The following TBC1D16 variants were observed in gnomAD, a reference collection of about 807,000 sequenced individuals.
TBC1D16 encodes the protein CTD-2529O21.1.
In TBC1D16, 58 loss-of-function variants were observed where a neutral mutation model predicts 74.7. The ratio of observed to expected loss-of-function variants is 0.78; its 90% CI spans 0.63 to 0.97. TBC1D16 has a LOEUF of 0.97. TBC1D16 is among the 50% of genes least tolerant of loss of function. TBC1D16 has a pLI of 0.00. For missense variants in TBC1D16, 1,014 were observed against 1,079.5 expected (o/e 0.94, Z 0.85); for synonymous variants, 493 against 474.7 (o/e 1.04, Z -0.50).
At chr17:79,963,050 CAAA>C (rs563226514) in intron 3 of TBC1D16, among the ~76,000 whole-genome samples, 1 of 120,272 alleles carries the variant, frequency 8.3e-6, no homozygotes. Context: ...AACTCCATCT[CAAA>C]AAAAAAAAAA....
Position 79,940,368 on chromosome 17 carries a change from G to A in TBC1D16, c.*491C>T, listed in dbSNP as rs2031873637. The A allele has an allele frequency of 4.6e-5, 7 of 152,852 alleles. No individual in the cohort carries two copies. The highest frequency in any genetic ancestry group is 3.9e-4 in the Admixed American group (6 of 15,290). 9.5% of individuals were successfully genotyped at this position (152,852 alleles called of 1,614,324 possible). On this transcript the variant is annotated 3_prime_UTR_variant, in exon 12 of 12. Coordinates refer to ENST00000310924, the MANE Select transcript of TBC1D16 (RefSeq NM_019020.4). This position sits in a 1 kb window ranked among gnomAD's most constrained non-coding sequence, Gnocchi z 5.4. Reference sequence around the variant, plus strand: ...GAAGTGTGTTTGGCTCACTCCGAGAGAACGAGGTCTCAAGAGGAAGTGTGT... The same window carrying A: ...GAAGTGTGTTTGGCTCACTCCGAGAAAACGAGGTCTCAAGAGGAAGTGTGT...
intron 1 of TBC1D16, among the ~76,000 whole-genome samples, chr17:80,030,288 A>AC (rs1028446438): frequency 2.0e-5 from 3 of 152,054 alleles, no homozygotes; most frequent in Non-Finnish European, 4.4e-5. Flanking sequence ...CTGACGGTGA[A>AC]CCCCCCACGC....
At chr17:80,021,080 C>T (rs1174738503) in intron 1 of TBC1D16, among the ~76,000 whole-genome samples, 3 of 149,838 alleles carry the variant, frequency 2.0e-5, no homozygotes, top group Admixed American at 1.3e-4. Flanking sequence ...TGGAGAAACC[C>T]CGTGTCTACT....
At chr17:80,002,072 G>A (rs2035508830) in intron 3 of TBC1D16, among the ~76,000 whole-genome samples, 1 of 152,180 alleles carries the variant, frequency 6.6e-6, no homozygotes, top group East Asian at 1.9e-4. Context: ...AGGAAACGCA[G>A]AAGGGATCCG....
Position 80,013,503 on chromosome 17 carries a change from C to T in TBC1D16, c.45G>A (p.Ser15=), listed in dbSNP as rs893979497. The T allele has an allele frequency of 1.5e-5, 24 of 1,575,538 alleles. No individual in the cohort carries two copies. The highest frequency in any genetic ancestry group is 1.9e-5 in the Non-Finnish European group (22 of 1,162,028). ...CACCGGGGGTGAGGGTCAGGAGGTC[C>T]GAGGCTTTGGAGGAGGCCCTGCGAA... The part of the protein sequence containing the change: ...RLLRRASSKA[S]DLLTLTPGGS... Residue 15 remains serine (S), a synonymous_variant, in exon 2 of 12, where the codon TCG becomes TCA. Coordinates refer to ENST00000310924, the MANE Select transcript of TBC1D16 (RefSeq NM_019020.4).
At position 80,010,691 on chromosome 17, in the gene TBC1D16, G is replaced by A. The variant is rs778286282; in HGVS notation, c.248C>T (p.Pro83Leu). ...GTCCTGCCTCTGGATGCGAGAGTTG[G>A]GGACCCATGCCAGGATGAGGGTGGC... ...LGATLILAWV[P>L]NSRIQRQDEE... Residue 83 changes from proline (P) to leucine (L), a missense_variant, in exon 3 of 12, where the codon CCC (proline) becomes CTC (leucine). Physicochemically the swap from Pro to Leu is moderately conservative, Grantham distance 98 (BLOSUM62 -3). Transcript: ENST00000310924. The surrounding 1 kb of genome is among the most constrained non-coding windows in gnomAD (Gnocchi z 8.8). 21 of 1,520,448 alleles carry A rather than the reference G, an allele frequency of 1.4e-5. No homozygotes were observed. Among genetic ancestry groups the A allele is most frequent in the Non-Finnish European group, 1.8e-5 (20 of 1,136,808 alleles). 94.2% of individuals were successfully genotyped at this position (1,520,448 alleles called of 1,614,324 possible).
rs1281512584 is a variant in TBC1D16 at position 79,971,704 on chromosome 17, C to G, written c.780-18886G>C. Reference sequence around the variant, plus strand: ...TTCTCTCAAGGAAGACCTGAGGAAGCTGGTGCCCGACCCACCAGGAGACAT... The same window carrying G: ...TTCTCTCAAGGAAGACCTGAGGAAGGTGGTGCCCGACCCACCAGGAGACAT... On this transcript the variant is annotated intron_variant, in intron 3 of 11. Transcript: ENST00000310924. This position sits in a 1 kb window ranked among gnomAD's most constrained non-coding sequence, Gnocchi z 4.6. Among the ~76,000 whole-genome samples the G allele has an allele frequency of 6.6e-6, 1 of 152,196 alleles. No individual in the cohort carries two copies. The highest frequency in any genetic ancestry group is 2.4e-5 in the African/African-American group (1 of 41,440).
In TBC1D16 at chr17:79,944,689, C is replaced by T. The variant is rs2032353412; in HGVS notation, c.1908+219G>A. 6.6e-6 allele frequency among the ~76,000 whole-genome samples: 1 copy of T among 152,168 alleles called. No homozygotes were observed. The highest frequency in any genetic ancestry group is 2.4e-5 in the African/African-American group (1 of 41,430). On this transcript the variant is annotated intron_variant, in intron 10 of 11. Transcript: ENST00000310924. The surrounding 1 kb of genome is among the most constrained non-coding windows in gnomAD (Gnocchi z 7.7). ...CAGCCCCAGAAAGTGGTAATGAGTG[C>T]AGTCAGCGGGCAATTTGCATCGATT... is the stretch of plus-strand genomic sequence containing the variant.
chr17:79,953,079 G>A (rs1367300173), intron 3 of TBC1D16: 4 of 324,914 alleles, frequency 1.2e-5, no homozygotes, highest in African/African-American at 4.2e-5. Flanking sequence ...AGTCATCATC[G>A]TCCTGACAGC....
At position 79,933,474 on chromosome 17, in the gene TBC1D16, G is replaced by C. The variant is rs1318497701; in HGVS notation, c.*7385C>G. On this transcript the variant is annotated 3_prime_UTR_variant, in exon 12 of 12. Transcript: ENST00000310924. ...CCCTGCATCTTGCCTGGGGCCCCTTGTATCTCTGGCTCATGGCCTGTCCTG... is the reference window on the plus strand; with the variant it reads ...CCCTGCATCTTGCCTGGGGCCCCTTCTATCTCTGGCTCATGGCCTGTCCTG... 2 of 152,262 alleles carry C rather than the reference G, an allele frequency of 1.3e-5. No individual in the cohort carries two copies. The highest frequency in any genetic ancestry group is 2.9e-5 in the Non-Finnish European group (2 of 68,072). 9.4% of individuals were successfully genotyped at this position (152,262 alleles called of 1,614,324 possible).
intron 3 of TBC1D16, among the ~76,000 whole-genome samples, chr17:80,002,831 A>G (rs577014661): frequency 6.6e-6 from 1 of 152,214 alleles, no homozygotes; most frequent in African/African-American, 2.4e-5. Flanking sequence ...GACCGCGTGC[A>G]CTGCAGGACG....
At position 79,941,127 on chromosome 17, in the gene TBC1D16, G is replaced by A. The variant is rs754434049; in HGVS notation, c.2056-20C>T. 10 of 1,544,954 alleles carry A rather than the reference G, an allele frequency of 6.5e-6. No individual in the cohort carries two copies. The highest frequency in any genetic ancestry group is 1.4e-5 in the African/African-American group (1 of 73,646). ...CCTCGCCTGCAGACAGAGGACGGGG[G>A]GTGAGGAGGGGCCGGGGGACAGCCT... On this transcript the variant is annotated intron_variant, in intron 11 of 11. Transcript: ENST00000310924. This position sits in a 1 kb window ranked among gnomAD's most constrained non-coding sequence, Gnocchi z 4.3.
At position 79,952,753 on chromosome 17, in the gene TBC1D16, C is replaced by G. The variant is rs761831801; in HGVS notation, c.845G>C (p.Arg282Pro). 6.2e-7 allele frequency: 1 copy of G among 1,612,208 alleles called. No homozygotes were observed. Among genetic ancestry groups the G allele is most frequent in the South Asian group, 1.1e-5 (1 of 91,024 alleles). ...GCACACCCGCTGCGGCTCGTCCCAG[C>G]GTGGGGTCTGCAGGAGGCCGTTGCT... Reference protein sequence around the residue: ...PDSNGLLQTPRWDEPQRVCAL... With the variant: ...PDSNGLLQTPPWDEPQRVCAL... Residue 282 changes from arginine (R) to proline (P), a missense_variant, in exon 4 of 12, where the codon CGC becomes CCC. Coordinates refer to ENST00000310924, the MANE Select transcript of TBC1D16 (RefSeq NM_019020.4).
chr17:79,952,458 C>T (rs1227486103), intron 4 of TBC1D16, among the ~76,000 whole-genome samples, 199 bp downstream of exon 4: 1 of 152,212 alleles, frequency 6.6e-6, no homozygotes, highest in Non-Finnish European at 1.5e-5. Context: ...GGTAGCTCAC[C>T]CAGCCTGAGA....
Position 80,007,928 on chromosome 17 carries a change from C to T in TBC1D16, c.779+2232G>A, listed in dbSNP as rs1322487900. Among the ~76,000 whole-genome samples the T allele has an allele frequency of 1.3e-5, 2 of 152,004 alleles. No homozygotes were observed. Among genetic ancestry groups the T allele is most frequent in the Admixed American group, 1.3e-4 (2 of 15,270 alleles). ...AATGATGGGCGGCCCCCGGTGGGTC[C>T]CAGGCAGAGGGACAGCCTGGCTTCC... is the stretch of plus-strand genomic sequence containing the variant. On this transcript the variant is annotated intron_variant, in intron 3 of 11. Coordinates refer to ENST00000310924, the MANE Select transcript of TBC1D16 (RefSeq NM_019020.4). This position sits in a 1 kb window ranked among gnomAD's most constrained non-coding sequence, Gnocchi z 4.5.
At chr17:79,943,488 C>T (rs2032215127) in intron 10 of TBC1D16, among the ~76,000 whole-genome samples, 1 of 152,204 alleles carries the variant, frequency 6.6e-6, no homozygotes, top group Non-Finnish European at 1.5e-5. Context: ...GCTCAGGGGT[C>T]ACTGAACAGT....
At chr17:79,945,921 T>C (rs978609443) in intron 9 of TBC1D16, among the ~76,000 whole-genome samples, 5 of 152,238 alleles carry the variant, frequency 3.3e-5, no homozygotes, top group Non-Finnish European at 7.3e-5. Context: ...AGGTGGCCCA[T>C]TGTTCCCACG....
rs1359751994 is a variant in TBC1D16 at position 79,954,839 on chromosome 17, G to A, written c.780-2021C>T. Among the ~76,000 whole-genome samples the A allele has an allele frequency of 6.6e-6, 1 of 152,178 alleles. No homozygotes were observed. The highest frequency in any genetic ancestry group is 1.5e-5 in the Non-Finnish European group (1 of 68,026). On this transcript the variant is annotated intron_variant, in intron 3 of 11. Coordinates refer to ENST00000310924, the MANE Select transcript of TBC1D16 (RefSeq NM_019020.4). This position sits in a 1 kb window ranked among gnomAD's most constrained non-coding sequence, Gnocchi z 5.5. ...CCCAGCCTTCTTACCACACCCAACAGCAGAATCCCCCAAACCTGCTTGTTC... is the reference window on the plus strand; with the variant it reads ...CCCAGCCTTCTTACCACACCCAACAACAGAATCCCCCAAACCTGCTTGTTC...
chr17:79,969,316 G>A (rs1333591798), intron 3 of TBC1D16, among the ~76,000 whole-genome samples: 2 of 152,154 alleles, frequency 1.3e-5, no homozygotes, highest in Non-Finnish European at 2.9e-5. Context: ...AACCTAGGAA[G>A]TGGAGGTTGC....
Sources: gnomAD v4.1 joint callset for allele counts (sites outside exome capture counted in the v4.1 genomes callset) on GRCh38, gnomAD v4.1.1 for gene constraint, Gnocchi (gnomAD v3.1) non-coding constraint, MANE v1.5 for transcripts, NCBI Gene and HGNC (gene_info 2026-07-23, HGNC 2026-07-21) for gene names.